DEK: variants seen among roughly 807,000 people sequenced by gnomAD.
DEK encodes the protein DEK proto-oncogene.
DEK carries 28 observed loss-of-function variants against 46.8 expected under a neutral mutation model. That is an observed-to-expected ratio of 0.60 (90% CI 0.44 to 0.82). DEK has a LOEUF of 0.82. Among genes scored for constraint, DEK ranks in the 40% least tolerant of loss-of-function variants. DEK has a pLI of 0.00. For missense variants in DEK, 416 were observed against 430.6 expected (o/e 0.97, Z 0.30); for synonymous variants, 160 against 144.5 (o/e 1.11, Z -0.77).
At chr6:18,243,138 TTATA>T (rs1421773592) in intron 7 of DEK, among the ~76,000 whole-genome samples, 1 of 152,172 alleles carries the variant, frequency 6.6e-6, no homozygotes, top group African/African-American at 2.4e-5. Flanking sequence ...AAAAGGTTTC[TTATA>T]TATTTATTAT....
chr6:18,263,347 T>A (rs1344642256), intron 2 of DEK, among the ~76,000 whole-genome samples: 1 of 152,174 alleles, frequency 6.6e-6, no homozygotes, highest in Admixed American at 6.5e-5. Flanking sequence ...AACTTTTTGG[T>A]AAATGTAAAA....
intron 9 of DEK, among the ~76,000 whole-genome samples, chr6:18,231,638 C>T (rs1433171453): frequency 6.6e-6 from 1 of 152,140 alleles, no homozygotes; most frequent in Non-Finnish European, 1.5e-5. Flanking sequence ...AATTCCTGGA[C>T]ACATACACCC....
intron 6 of DEK, among the ~76,000 whole-genome samples, chr6:18,252,314 A>G (rs1476550142): frequency 1.3e-5 from 2 of 152,030 alleles, no homozygotes; most frequent in East Asian, 1.9e-4. Flanking sequence ...GTTTGTGACC[A>G]TCTTGGACAA....
chr6:18,253,124 C>T (rs1222027038), intron 6 of DEK, among the ~76,000 whole-genome samples: 1 of 148,810 alleles, frequency 6.7e-6, no homozygotes, highest in East Asian at 2.0e-4. Flanking sequence ...TTTTTTGAGA[C>T]AGTCTCGCTC....
chr6:18,262,182 A>C (rs1251203528), intron 2 of DEK, among the ~76,000 whole-genome samples: 1 of 152,014 alleles, frequency 6.6e-6, no homozygotes, highest in East Asian at 1.9e-4. Context: ...TGAGGCTTTC[A>C]CCAGAAGCAA....
chr6:18,233,101 A>G (rs1049007796), intron 9 of DEK, among the ~76,000 whole-genome samples: 18 of 152,352 alleles, frequency 1.2e-4, no homozygotes, highest in Non-Finnish European at 2.4e-4. Flanking sequence ...GAAATGGGGA[A>G]AGGATTCCCT....
At chr6:18,234,630 T>C (rs543442489) in intron 9 of DEK, among the ~76,000 whole-genome samples, 1 of 152,296 alleles carries the variant, frequency 6.6e-6, no homozygotes, top group Admixed American at 6.5e-5. Flanking sequence ...AAGCCATTAT[T>C]ATGAATTCCT....
intron 6 of DEK, among the ~76,000 whole-genome samples, chr6:18,250,454 G>A (rs1481510504): frequency 6.6e-6 from 1 of 151,668 alleles, no homozygotes; most frequent in African/African-American, 2.4e-5. Context: ...GGGCAACAGT[G>A]TGAGACTCCG....
rs779233851 is a variant in DEK at position 18,264,339 on chromosome 6, C to T, written c.-10+46G>A. The T allele has an allele frequency of 4.3e-5, 7 of 163,758 alleles. No homozygotes were observed. In the South Asian group the frequency reaches 1.0e-3, roughly 24 times the overall value. 10.1% of individuals were successfully genotyped at this position (163,758 alleles called of 1,614,324 possible). The stretch of plus-strand genomic sequence containing the variant: ...ATGGCCGCGTCCCTCCCCCGTCGGC[C>T]GCGGCAGGGGCGACCGGGCCTCCGG... On this transcript the variant is annotated intron_variant, in intron 1 of 10. Transcript: ENST00000652689.
In DEK at chr6:18,256,364, T is replaced by C; in HGVS notation, c.449A>G (p.Lys150Arg). The change falls in exon 5 of 11, where the codon AAA becomes AGA. Residue 150 changes from lysine (K) to arginine (R), a missense_variant. Coordinates refer to ENST00000652689, the MANE Select transcript of DEK (RefSeq NM_003472.4). ...VQYKKKEEML[K>R]KFRNAMLKSI... ...AGTATTTATAAAAATAACTTACTTTTTCAACATTTCTTCCTTCTTTTTATA... is the reference window on the plus strand; with the variant it reads ...AGTATTTATAAAAATAACTTACTTTCTCAACATTTCTTCCTTCTTTTTATA... 1 of 1,609,242 alleles carries C rather than the reference T, an allele frequency of 6.2e-7. No individual in the cohort carries two copies. The highest frequency in any genetic ancestry group is 8.5e-7 in the Non-Finnish European group (1 of 1,177,078).
intron 9 of DEK, among the ~76,000 whole-genome samples, chr6:18,235,992 A>T (rs111574430): frequency 9.8e-4 from 150 of 152,350 alleles, no homozygotes; most frequent in African/African-American, 3.5e-3. Context: ...TATTCAAGAC[A>T]AGGCCACTTT....
chr6:18,235,855 A>G (rs1790625497), intron 9 of DEK, among the ~76,000 whole-genome samples: 1 of 152,238 alleles, frequency 6.6e-6, no homozygotes, highest in Non-Finnish European at 1.5e-5. Context: ...GAATGAATGA[A>G]CAAAATAATA....
At chr6:18,232,116 C>A (rs1790439247) in intron 9 of DEK, among the ~76,000 whole-genome samples, 1 of 152,142 alleles carries the variant, frequency 6.6e-6, no homozygotes. Context: ...ACAAAAACCA[C>A]AAGATTATCT....
chr6:18,249,381 C>A (rs2151088840), intron 7 of DEK, among the ~76,000 whole-genome samples: 1 of 152,278 alleles, frequency 6.6e-6, no homozygotes, highest in African/African-American at 2.4e-5. Context: ...CTTCCCTTCC[C>A]ATTTATCTAC....
chr6:18,249,547 A>C, intron 7 of DEK, 104 bp downstream of exon 7: 1 of 1,395,732 alleles, frequency 7.2e-7, no homozygotes, highest in Non-Finnish European at 9.3e-7. Flanking sequence ...CTTCAGAATT[A>C]AAAACAACCA....
intron 9 of DEK, among the ~76,000 whole-genome samples, chr6:18,229,881 C>A (rs1468647921): frequency 6.6e-6 from 1 of 152,216 alleles, no homozygotes; most frequent in South Asian, 2.1e-4. Flanking sequence ...CAGAGAACAC[C>A]ACAAAAATAC....
intron 2 of DEK, among the ~76,000 whole-genome samples, chr6:18,263,564 G>A (rs569058072): frequency 2.6e-5 from 4 of 152,068 alleles, no homozygotes; most frequent in South Asian, 4.2e-4. Flanking sequence ...CCCGTCAAAT[G>A]ATGAAATGTT....
intron 6 of DEK, among the ~76,000 whole-genome samples, chr6:18,251,089 G>A (rs201915029): frequency 6.6e-6 from 1 of 152,168 alleles, no homozygotes; most frequent in Non-Finnish European, 1.5e-5. Flanking sequence ...TCTCAAGGAA[G>A]TTTTGCTAAA....
intron 9 of DEK, among the ~76,000 whole-genome samples, chr6:18,235,604 T>C (rs1362842699): frequency 6.6e-6 from 1 of 152,166 alleles, no homozygotes; most frequent in Non-Finnish European, 1.5e-5. Flanking sequence ...GACTGTAAGC[T>C]CCTCTTGAAA....
Sources: gnomAD v4.1 joint callset for allele counts (sites outside exome capture counted in the v4.1 genomes callset) on GRCh38, gnomAD v4.1.1 for gene constraint, MANE v1.5 for transcripts, NCBI Gene and HGNC (gene_info 2026-07-23, HGNC 2026-07-21) for gene names.